PHF21B: variants seen among roughly 807,000 people sequenced by gnomAD.
PHF21B encodes the protein PHD finger protein 21B.
Under a neutral mutation model 62.2 loss-of-function variants are expected in PHF21B, and 22 were observed. The ratio of observed to expected loss-of-function variants is 0.35; its 90% CI spans 0.25 to 0.51. The LOEUF (loss-of-function observed/expected upper bound fraction) is 0.51, where lower values mean the gene tolerates loss of function less well. Ranked by LOEUF, PHF21B falls within the 20% of genes least tolerant of loss-of-function variation. PHF21B has a pLI of 0.97. For synonymous variants in PHF21B, 341 were observed against 314.7 expected (o/e 1.08, Z -0.88); for missense variants, 701 against 707.9 (o/e 0.99, Z 0.11).
Position 45,009,396 on chromosome 22 carries a change from G to C in PHF21B, c.54+100C>G. On this transcript the variant is annotated intron_variant, in intron 1 of 12. Transcript: ENST00000313237. This position sits in a 1 kb window ranked among gnomAD's most constrained non-coding sequence, Gnocchi z 5.9. ...CCCCCGGGCAGGCTCCAGCCTGGAA[G>C]ACCCAGAGACCCGGAAGAGAGGATG... 8.1e-7 allele frequency: 1 copy of C among 1,240,696 alleles called. No individual in the cohort carries two copies. The highest frequency in any genetic ancestry group is 1.6e-5 in the African/African-American group (1 of 63,504). The allele number at this position is 1,240,696 out of a possible 1,614,324, so 76.9% of individuals were successfully genotyped here. A position where few individuals can be genotyped will look rare whatever the true frequency, so the allele number is the denominator to read the frequency against.
chr22:44,960,957 T>TTTTC (rs386395578), intron 2 of PHF21B, among the ~76,000 whole-genome samples: 11 of 7,174 alleles, frequency 1.5e-3, no homozygotes, highest in Admixed American at 2.7e-3. Flanking sequence ...CGTGAGTTGA[T>TTTTC]TTTTTTTTTT....
chr22:44,939,108 A>T (rs997463965), intron 2 of PHF21B, among the ~76,000 whole-genome samples: 1 of 152,080 alleles, frequency 6.6e-6, no homozygotes, highest in Admixed American at 6.5e-5. Context: ...TTCTGCCAAG[A>T]CCCCTTAGGA....
intron 5 of PHF21B, among the ~76,000 whole-genome samples, chr22:44,905,428 T>C (rs2071231032): frequency 6.6e-6 from 1 of 152,250 alleles, no homozygotes; most frequent in African/African-American, 2.4e-5. Context: ...TTATTCCTTA[T>C]TTCTAGACAT....
chr22:44,970,894 G>A (rs1417009941), intron 2 of PHF21B: 3 of 152,208 alleles, frequency 2.0e-5, no homozygotes, highest in East Asian at 1.9e-4. Context: ...GTGGCTCTTC[G>A]TCTGTTTTGC....
intron 2 of PHF21B, among the ~76,000 whole-genome samples, chr22:44,992,697 C>G (rs2147508437): frequency 6.6e-6 from 1 of 152,306 alleles, no homozygotes; most frequent in South Asian, 2.1e-4. Flanking sequence ...TTTCTGTGGA[C>G]TGAACAGCGT....
chr22:45,000,858 T>C (rs1279234885), intron 2 of PHF21B: 6 of 152,148 alleles, frequency 3.9e-5, no homozygotes, highest in Non-Finnish European at 5.9e-5. Flanking sequence ...TCATCTCTAG[T>C]GACAGACCCA....
At chr22:44,898,602 G>A (rs540603952) in intron 5 of PHF21B, among the ~76,000 whole-genome samples, 105 of 151,992 alleles carry the variant, frequency 6.9e-4, no homozygotes, top group African/African-American at 2.4e-3. Flanking sequence ...AAAGAGTATC[G>A]ATTTTTAAAT....
At chr22:44,898,289 T>C (rs914277608) in intron 5 of PHF21B, among the ~76,000 whole-genome samples, 2 of 151,912 alleles carry the variant, frequency 1.3e-5, no homozygotes, top group Admixed American at 1.3e-4. Flanking sequence ...TCCTCGTAAG[T>C]GGGCTGGGGT....
At chr22:44,974,790 A>G (rs1245623792) in intron 2 of PHF21B, among the ~76,000 whole-genome samples, 2 of 152,250 alleles carry the variant, frequency 1.3e-5, no homozygotes, top group East Asian at 1.9e-4. Context: ...TTTAGATCTA[A>G]TAAGACCAGG....
Position 44,913,899 on chromosome 22 carries a change from T to A in PHF21B, c.754A>T (p.Thr252Ser). 6.2e-7 allele frequency: 1 copy of A among 1,612,170 alleles called. No individual in the cohort carries two copies. The highest frequency in any genetic ancestry group is 8.5e-7 in the Non-Finnish European group (1 of 1,179,606). Residue 252 changes from threonine (T) to serine (S), a missense_variant, in exon 5 of 13, where the codon ACA (threonine) becomes TCA (serine). Physicochemically the swap from Thr to Ser is moderately conservative, Grantham distance 58 (BLOSUM62 1). Transcript: ENST00000313237. ...TGAGCTCCCTGAGATGGCTCCTCTG[T>A]GGGCGGCCGCGACTCTGCCGTGCTC... ...PESTAESRPP[T>S]EEPSQGAQAT...
At chr22:44,889,915 A>G (rs2070930915) in intron 8 of PHF21B, 133 bp from the exon 9 acceptor site, 1 of 925,176 alleles carries the variant, frequency 1.1e-6, no homozygotes, top group Non-Finnish European at 1.5e-6. Flanking sequence ...TAAGGCCCCC[A>G]TGATACCTGG....
chr22:44,934,180 C>T (rs1431452607), intron 2 of PHF21B, among the ~76,000 whole-genome samples: 1 of 152,152 alleles, frequency 6.6e-6, no homozygotes, highest in East Asian at 1.9e-4. Context: ...TTGCACGGGG[C>T]TCAGAGTCCC....
chr22:44,988,576 T>A (rs745559276), intron 2 of PHF21B, among the ~76,000 whole-genome samples: 5 of 152,256 alleles, frequency 3.3e-5, no homozygotes, highest in Admixed American at 6.5e-5. Context: ...AAAATAGTCA[T>A]AACCAACTGT....
At chr22:44,938,472 G>T (rs1446621781) in intron 2 of PHF21B, among the ~76,000 whole-genome samples, 1 of 152,192 alleles carries the variant, frequency 6.6e-6, no homozygotes, top group African/African-American at 2.4e-5. Flanking sequence ...ATCTCAAGTG[G>T]TCCGCCTGCC....
At chr22:44,986,521 C>CAAA (rs3063310) in intron 2 of PHF21B, among the ~76,000 whole-genome samples, 2 of 85,882 alleles carry the variant, frequency 2.3e-5, no homozygotes, top group Non-Finnish European at 4.5e-5. Context: ...GATCTTATTT[C>CAAA]AAAAAAAAAA....
intron 4 of PHF21B, among the ~76,000 whole-genome samples, chr22:44,914,977 G>C (rs941425438): frequency 5.9e-5 from 9 of 152,228 alleles, no homozygotes; most frequent in African/African-American, 2.2e-4. Context: ...ATCAGCCACA[G>C]TCTGGTTTAA....
In PHF21B at chr22:44,916,374, G is replaced by A. The variant is rs771019989; in HGVS notation, c.470C>T (p.Pro157Leu). Residue 157 changes from proline to leucine, a missense_variant, in exon 4 of 13, where the codon CCC becomes CTC. Transcript: ENST00000313237. ...GGGGGCCATGGCGGCGGCATTGCTG[G>A]GGGAGGTGGAGATGATGGCGTAGGC... ...GVAYAIISTS[P>L]SNAAAMAPST... 5.0e-6 allele frequency: 8 copies of A among 1,592,350 alleles called. No individual in the cohort carries two copies. Among genetic ancestry groups the A allele is most frequent in the Middle Eastern group, 1.7e-4 (1 of 5,988 alleles).
intron 2 of PHF21B, among the ~76,000 whole-genome samples, chr22:44,993,645 C>A (rs1347899495): frequency 6.6e-6 from 1 of 152,236 alleles, no homozygotes; most frequent in African/African-American, 2.4e-5. Context: ...TTAGCCACTT[C>A]ACAGATGAGA....
intron 2 of PHF21B, among the ~76,000 whole-genome samples, chr22:44,924,462 T>C (rs776789147): frequency 1.3e-5 from 2 of 152,170 alleles, no homozygotes; most frequent in Non-Finnish European, 2.9e-5. Context: ...TGTGATGGTA[T>C]TTGGAGATGG....
Sources: allele counts gnomAD v4.1 joint callset (sites outside exome capture counted in the v4.1 genomes callset), GRCh38; gene constraint gnomAD v4.1.1; non-coding constraint Gnocchi (gnomAD v3.1); transcripts MANE v1.5; gene names NCBI Gene and HGNC (gene_info 2026-07-23, HGNC 2026-07-21).